Variants in PXDN observed in about 807,000 individuals in gnomAD.
PXDN encodes the protein peroxidasin.
In PXDN, 77 loss-of-function variants were observed where a neutral mutation model predicts 140.3. The observed-to-expected ratio is 0.55, with a 90% CI of 0.46 to 0.66. The LOEUF is 0.66. PXDN is among the 30% of genes least tolerant of loss of function. The pLI is 0.00. For synonymous variants in PXDN, 911 were observed against 857.4 expected, an observed-to-expected ratio of 1.06 and a Z score of -1.09; for missense variants, 1,838 against 2,039.5, an observed-to-expected ratio of 0.90 and a Z score of 1.90.
chr2:1,700,132 G>A (rs1684388969), intron 1 of PXDN, among the ~76,000 whole-genome samples: 1 of 152,062 alleles, frequency 6.6e-6, no homozygotes, highest in South Asian at 2.1e-4. Context: ...CGCGATCTCA[G>A]GTCACTGCAA....
chr2:1,674,713 T>C (rs1683655685), intron 8 of PXDN, among the ~76,000 whole-genome samples: 1 of 152,058 alleles, frequency 6.6e-6, no homozygotes, highest in Non-Finnish European at 1.5e-5. Flanking sequence ...CTATGGCAAG[T>C]GTGAGGACAG....
chr2:1,647,842 C>T (rs1682886824), intron 17 of PXDN, among the ~76,000 whole-genome samples: 1 of 152,198 alleles, frequency 6.6e-6, no homozygotes, highest in Non-Finnish European at 1.5e-5. Context: ...GTGTATTTTT[C>T]CCTGCAGTCA....
At chr2:1,693,355 A>T (rs1684225896) in intron 1 of PXDN, among the ~76,000 whole-genome samples, 1 of 152,250 alleles carries the variant, frequency 6.6e-6, no homozygotes, top group Non-Finnish European at 1.5e-5. Context: ...TTCTAAAAAC[A>T]GTAATTATGG....
At chr2:1,738,476 T>A (rs1685467312) in intron 1 of PXDN, among the ~76,000 whole-genome samples, 1 of 152,140 alleles carries the variant, frequency 6.6e-6, no homozygotes, top group Admixed American at 6.5e-5. Flanking sequence ...GAAAAACACC[T>A]GGATTCTCCA....
intron 1 of PXDN, among the ~76,000 whole-genome samples, chr2:1,697,702 A>AC (rs34135489): frequency 2.0e-5 from 3 of 152,238 alleles, no homozygotes; most frequent in South Asian, 2.1e-4. Context: ...CCGTGCTCCC[A>AC]CCCCGTCCTC....
At chr2:1,727,544 C>G (rs780101469) in intron 1 of PXDN, among the ~76,000 whole-genome samples, 1 of 152,220 alleles carries the variant, frequency 6.6e-6, no homozygotes, top group Non-Finnish European at 1.5e-5. Context: ...GACCCCAGCT[C>G]AAGGCTGGCA....
chr2:1,657,172 G>A (rs1013927059), intron 14 of PXDN, among the ~76,000 whole-genome samples: 1 of 130,760 alleles, frequency 7.6e-6, no homozygotes, highest in Non-Finnish European at 1.6e-5. Context: ...CTACTGACTG[G>A]GGGGGAACCT....
chr2:1,636,660 C>T (rs1056668060), intron 21 of PXDN: 1 of 131,838 alleles, frequency 7.6e-6, no homozygotes, highest in Admixed American at 8.8e-5. Flanking sequence ...CTTAAGTTAT[C>T]AAAGCTTAGA....
In PXDN at chr2:1,633,406, T is replaced by C. The variant is rs1417046969; in HGVS notation, c.*798A>G. 1 of 152,100 alleles carries C rather than the reference T, an allele frequency of 6.6e-6. No homozygotes were observed. Among genetic ancestry groups the C allele is most frequent in the Admixed American group, 6.6e-5 (1 of 15,264 alleles). 9.4% of individuals were successfully genotyped at this position (152,100 alleles called of 1,614,324 possible). A position where few individuals can be genotyped will look rare whatever the true frequency, so the allele number is the denominator to read the frequency against. On this transcript the variant is annotated 3_prime_UTR_variant, in exon 23 of 23. Transcript: ENST00000252804. The stretch of plus-strand genomic sequence containing the variant: ...TTGGTTCACAACTAGGCAGTATGTG[T>C]GCAAGTGACAGCTGAAAGCAAACCT...
chr2:1,737,413 C>T (rs1282620694), intron 1 of PXDN, among the ~76,000 whole-genome samples: 4 of 152,122 alleles, frequency 2.6e-5, no homozygotes, highest in Admixed American at 1.3e-4. Context: ...GGTTTTTGTT[C>T]GTTTTTGTCA....
chr2:1,657,514 C>A (rs961804133), intron 14 of PXDN, among the ~76,000 whole-genome samples: 1 of 151,798 alleles, frequency 6.6e-6, no homozygotes, highest in Admixed American at 6.5e-5. Context: ...CTGACTAGGA[C>A]GTCCCCCTCC....
At chr2:1,663,519 T>G in intron 12 of PXDN, 86 bp downstream of exon 12, 1 of 1,530,566 alleles carries the variant, frequency 6.5e-7, no homozygotes, top group Non-Finnish European at 8.9e-7. Context: ...TAACGAAGAG[T>G]AACACTAATG....
At chr2:1,710,311 G>C (rs1454396207) in intron 1 of PXDN, among the ~76,000 whole-genome samples, 1 of 152,174 alleles carries the variant, frequency 6.6e-6, no homozygotes, top group Non-Finnish European at 1.5e-5. Flanking sequence ...ACTTGCTCAA[G>C]TCTGACCGTA....
At chr2:1,705,145 A>G (rs1684562360) in intron 1 of PXDN, among the ~76,000 whole-genome samples, 1 of 151,704 alleles carries the variant, frequency 6.6e-6, no homozygotes, top group African/African-American at 2.4e-5. Context: ...CACACATCCC[A>G]GTGCCCTGGG....
intron 6 of PXDN, among the ~76,000 whole-genome samples, chr2:1,682,751 C>G (rs1683944442): frequency 2.6e-5 from 4 of 152,108 alleles, no homozygotes; most frequent in African/African-American, 9.6e-5. Flanking sequence ...ACCAGCCTGG[C>G]CAACATGGTG....
rs549517688 is a variant in PXDN at position 1,673,354 on chromosome 2, G to A, written c.1018+289C>T. Among the ~76,000 whole-genome samples, 36 of 152,228 alleles carry A rather than the reference G, an allele frequency of 2.4e-4. 1 individual carries two copies. In the South Asian group the frequency reaches 7.1e-3, roughly 30 times the overall value. On this transcript the variant is annotated intron_variant, in intron 9 of 22. Transcript: ENST00000252804. ...CCTGGGGGGTGGGGTCGGTGGGTCA[G>A]GGTGTGGCAAGGCCCTCTCTCAATG...
Position 1,644,651 on chromosome 2 carries a change from C to T in PXDN, c.3710G>A (p.Ser1237Asn). Reference protein sequence around the residue: ...RLGPTLMCLLSTQFKRLRDGD... With the variant: ...RLGPTLMCLLNTQFKRLRDGD... ...ATCTCGCAGGCGCTTGAACTGTGTG[C>T]TGAGAAGACACATCAGGGTGGGGCC... The change falls in exon 18 of 23, where the codon AGC (serine) becomes AAC (asparagine). Residue 1237 changes from serine (S) to asparagine (N), a missense_variant. Ser to Asn is a conservative substitution (Grantham distance 46). Coordinates refer to ENST00000252804, the MANE Select transcript of PXDN (RefSeq NM_012293.3). 1.9e-6 allele frequency: 3 copies of T among 1,608,354 alleles called. No homozygotes were observed. The South Asian group carries it at 3.3e-5, about 18-fold the overall frequency.
intron 1 of PXDN, among the ~76,000 whole-genome samples, chr2:1,738,536 C>T (rs920656157): frequency 6.1e-5 from 9 of 146,770 alleles, no homozygotes; most frequent in African/African-American, 2.0e-4. Flanking sequence ...CAGCATAATG[C>T]AAGTTGATCT....
intron 14 of PXDN, among the ~76,000 whole-genome samples, chr2:1,654,889 C>T (rs1350796856): frequency 6.6e-6 from 1 of 151,994 alleles, no homozygotes; most frequent in Non-Finnish European, 1.5e-5. Flanking sequence ...CTCGTCCATT[C>T]CTCTCATCAA....
Sources: gnomAD v4.1 joint callset for allele counts (sites outside exome capture counted in the v4.1 genomes callset) on GRCh38, gnomAD v4.1.1 for gene constraint, MANE v1.5 for transcripts, NCBI Gene and HGNC (gene_info 2026-07-23, HGNC 2026-07-21) for gene names.